Variants in TENM2 observed in about 807,000 individuals in gnomAD.
TENM2 encodes teneurin-2.
In TENM2, 52 loss-of-function variants were observed where a neutral mutation model predicts 245.2. The observed-to-expected ratio is 0.21, with a 90% CI of 0.17 to 0.27. The LOEUF is 0.27. TENM2 is among the 10% of genes least tolerant of loss of function. TENM2 has a pLI of 1.00. For synonymous variants in TENM2, 1,363 were observed against 1,438.9 expected (o/e 0.95, Z 1.19); for missense variants, 3,046 against 3,666.8 (o/e 0.83, Z 4.37).
intron 3 of TENM2, among the ~76,000 whole-genome samples, chr5:167,911,680 G>A (rs2151582240): frequency 6.6e-6 from 1 of 152,304 alleles, no homozygotes; most frequent in African/African-American, 2.4e-5. Flanking sequence ...TCACCATGGC[G>A]TGTAGAAATA....
the TENM2 span, among the ~76,000 whole-genome samples, chr5:167,059,086 G>A: frequency 7.2e-5 from 11 of 152,212 alleles, no homozygotes; most frequent in African/African-American, 2.2e-4. Context: ...AACTGAGAAA[G>A]TCTGCAAACC....
chr5:168,139,845 T>A (rs1252378746), intron 12 of TENM2, among the ~76,000 whole-genome samples: 1 of 152,222 alleles, frequency 6.6e-6, no homozygotes, highest in Non-Finnish European at 1.5e-5. Flanking sequence ...GCAAGCCTAG[T>A]CTTCCCCAAA....
chr5:167,537,984 C>T (rs539569717), intron 2 of TENM2, among the ~76,000 whole-genome samples: 1 of 152,284 alleles, frequency 6.6e-6, no homozygotes, highest in South Asian at 2.1e-4. Flanking sequence ...AGGAAGGAAA[C>T]TGTTTGAAAT....
chr5:168,091,453 T>C (rs1792933192), intron 8 of TENM2, among the ~76,000 whole-genome samples: 1 of 152,176 alleles, frequency 6.6e-6, no homozygotes, highest in African/African-American at 2.4e-5. Flanking sequence ...AAAAGGGTCA[T>C]TCACTTGAGG....
chr5:167,123,041 T>G, the TENM2 span, among the ~76,000 whole-genome samples: 2 of 151,946 alleles, frequency 1.3e-5, no homozygotes, highest in African/African-American at 4.8e-5. Context: ...CTCATACCTG[T>G]AATCCCGGCA....
intron 1 of TENM2, 44 bp from the exon 4 acceptor site, chr5:167,375,154 C>A (rs755936632): frequency 2.0e-6 from 3 of 1,529,422 alleles, no homozygotes; most frequent in Non-Finnish European, 2.6e-6. Context: ...CTTTGTAAAG[C>A]ATCTCACAAA....
intron 7 of TENM2, among the ~76,000 whole-genome samples, chr5:168,082,106 A>G (rs1370674133): frequency 2.6e-5 from 4 of 151,996 alleles, no homozygotes; most frequent in Non-Finnish European, 5.9e-5. Flanking sequence ...ATAGTCCCAT[A>G]TTTCTTGGAG....
the TENM2 span, among the ~76,000 whole-genome samples, chr5:167,203,674 T>G: frequency 0.21 from 31,490 of 152,158 alleles, 3,901 homozygotes; most frequent in African/African-American, 0.34. Context: ...CTCTCTTTGG[T>G]TTAAAACATA....
intron 2 of TENM2, among the ~76,000 whole-genome samples, chr5:167,680,278 T>C (rs1410211256): frequency 6.7e-6 from 1 of 150,352 alleles, no homozygotes; most frequent in Non-Finnish European, 1.5e-5. Flanking sequence ...GTAGGGACTT[T>C]TGGGAAAAAT....
At chr5:167,743,796 G>A (rs894336738) in intron 2 of TENM2, among the ~76,000 whole-genome samples, 8 of 152,126 alleles carry the variant, frequency 5.3e-5, no homozygotes, top group African/African-American at 1.9e-4. Context: ...GAAAAAGAAA[G>A]AAGAAAAAGT....
In TENM2 at chr5:167,711,422, G is replaced by T. The variant is rs572688849; in HGVS notation, c.503-164564G>T. On this transcript the variant is annotated intron_variant, in intron 2 of 28. Transcript: ENST00000518659. ...GGAAAGTCAGTCATCTGGCAACATCGCTAGCCCACTGGCCCTTCCACATTC... is the reference window on the plus strand; with the variant it reads ...GGAAAGTCAGTCATCTGGCAACATCTCTAGCCCACTGGCCCTTCCACATTC... Among the ~76,000 whole-genome samples the T allele has an allele frequency of 6.6e-5, 10 of 152,246 alleles. No homozygotes were observed. The South Asian group carries it at 1.9e-3, about 28-fold the overall frequency.
At chr5:167,130,858 T>A in the TENM2 span, among the ~76,000 whole-genome samples, 2 of 151,574 alleles carry the variant, frequency 1.3e-5, no homozygotes, top group African/African-American at 4.9e-5. Flanking sequence ...CTCTGCCTTC[T>A]TTCCAGGGCT....
At chr5:167,959,561 G>T (rs892431403) in intron 4 of TENM2, among the ~76,000 whole-genome samples, 2 of 152,126 alleles carry the variant, frequency 1.3e-5, no homozygotes, top group African/African-American at 4.8e-5. Context: ...GGTCACTTAT[G>T]TTCTTCTCTA....
At chr5:167,768,589 T>G (rs1477495017) in intron 2 of TENM2, among the ~76,000 whole-genome samples, 1 of 152,116 alleles carries the variant, frequency 6.6e-6, no homozygotes, top group African/African-American at 2.4e-5. Flanking sequence ...GGTTATGAAG[T>G]GGTAGAGAGT....
chr5:167,101,938 AT>A, the TENM2 span, among the ~76,000 whole-genome samples: 681 of 111,096 alleles, frequency 6.1e-3, 16 homozygotes, highest in African/African-American at 0.019. Context: ...ATATATATAT[AT>A]TTTTTTTTTT....
At chr5:167,647,915 A>C (rs1780075314) in intron 2 of TENM2, among the ~76,000 whole-genome samples, 1 of 152,138 alleles carries the variant, frequency 6.6e-6, no homozygotes, top group Non-Finnish European at 1.5e-5. Flanking sequence ...GTACAGTTTC[A>C]CTGCAAGTCG....
chr5:168,061,952 A>T, intron 6 of TENM2, 108 bp from the exon 9 acceptor site: 3 of 995,158 alleles, frequency 3.0e-6, no homozygotes, highest in Non-Finnish European at 4.3e-6. Flanking sequence ...GTTTAATCTT[A>T]ATATTAAAAC....
intron 2 of TENM2, among the ~76,000 whole-genome samples, chr5:167,728,131 C>T (rs1446553408): frequency 6.6e-6 from 1 of 152,152 alleles, no homozygotes; most frequent in Non-Finnish European, 1.5e-5. Context: ...TATGCTGTTG[C>T]TATTCTTGAA....
chr5:167,223,958 G>T, the TENM2 span, among the ~76,000 whole-genome samples: 1 of 151,962 alleles, frequency 6.6e-6, no homozygotes, highest in East Asian at 1.9e-4. Context: ...TGAGCATTTT[G>T]TCATATACCT....
Sources: allele counts gnomAD v4.1 joint callset (sites outside exome capture counted in the v4.1 genomes callset), GRCh38; gene constraint gnomAD v4.1.1; transcripts MANE v1.5; gene names NCBI Gene and HGNC (gene_info 2026-07-23, HGNC 2026-07-21).